KIAA0586: variants seen among roughly 807,000 people sequenced by gnomAD.
The protein encoded by KIAA0586 is protein TALPID3.
A neutral mutation model predicts 169.8 loss-of-function variants in KIAA0586; 144 were observed. The ratio of observed to expected loss-of-function variants is 0.85; its 90% CI spans 0.74 to 0.97. KIAA0586 has a LOEUF of 0.97. Ranked by LOEUF, KIAA0586 falls within the 50% of genes least tolerant of loss-of-function variation. The probability of loss-of-function intolerance (pLI) is 0.00; values close to 1 mark genes in which losing one functional copy is unlikely to be tolerated. For synonymous variants in KIAA0586, 625 were observed against 612.4 expected (o/e 1.02, Z -0.30); for missense variants, 1,854 against 1,823.0 (o/e 1.02, Z -0.31).
At chr14:58,534,318 T>C (rs1411234468) in intron 29 of KIAA0586, among the ~76,000 whole-genome samples, 1 of 152,216 alleles carries the variant, frequency 6.6e-6, no homozygotes, top group African/African-American at 2.4e-5. Context: ...TGGTATAATA[T>C]AGGTGTATTA....
At chr14:58,534,382 G>T (rs1190276663) in intron 29 of KIAA0586, among the ~76,000 whole-genome samples, 1 of 152,150 alleles carries the variant, frequency 6.6e-6, no homozygotes, top group Admixed American at 6.6e-5. Flanking sequence ...GTGTAGTTAT[G>T]ATATTATTGC....
At chr14:58,477,060 C>T in intron 19 of KIAA0586, 63 bp from the exon 20 acceptor site, 2 of 900,690 alleles carry the variant, frequency 2.2e-6, no homozygotes, top group Non-Finnish European at 3.5e-6. Context: ...GTATGTCTAA[C>T]ATTTTTTACA....
At chr14:58,465,718 C>T in intron 14 of KIAA0586, 117 bp from the exon 15 acceptor site, 1 of 614,962 alleles carries the variant, frequency 1.6e-6, no homozygotes, top group Non-Finnish European at 2.7e-6. Context: ...GTTTTGGGGC[C>T]TTGTAACCTT....
rs541742447 is a variant in KIAA0586, at chr14:58,551,181, T to G, written c.*3249T>G. The G allele has an allele frequency of 1.3e-4, 18 of 140,514 alleles. No individual in the cohort carries two copies. Among genetic ancestry groups the G allele is most frequent in the Admixed American group, 7.7e-4 (11 of 14,304 alleles). 8.7% of individuals were successfully genotyped at this position (140,514 alleles called of 1,614,324 possible). On this transcript the variant is annotated 3_prime_UTR_variant, in exon 31 of 31. Coordinates refer to ENST00000652326, the MANE Select transcript of KIAA0586 (RefSeq NM_001329943.3). ...TCCAGCCTGGGCAACAGAGTAAGAC[T>G]CTGTCTCAAAAATAAATAAATAAAT... is the stretch of plus-strand genomic sequence containing the variant.
At chr14:58,524,908 T>G (rs978793393) in intron 29 of KIAA0586, among the ~76,000 whole-genome samples, 1 of 152,220 alleles carries the variant, frequency 6.6e-6, no homozygotes, top group African/African-American at 2.4e-5. Flanking sequence ...GGTTTCACCA[T>G]GTTGGCCAGG....
chr14:58,515,966 T>G (rs1371758754), intron 29 of KIAA0586, among the ~76,000 whole-genome samples: 1 of 152,024 alleles, frequency 6.6e-6, no homozygotes, highest in Admixed American at 6.6e-5. Context: ...AGCAACTAAG[T>G]AGCCTAAAGT....
chr14:58,509,041 C>T (rs1462151337), intron 28 of KIAA0586, among the ~76,000 whole-genome samples: 1 of 152,044 alleles, frequency 6.6e-6, no homozygotes, highest in Non-Finnish European at 1.5e-5. Context: ...CCAGCCTGGG[C>T]AATGTGGCAA....
chr14:58,485,620 G>T (rs1467222732), intron 21 of KIAA0586, among the ~76,000 whole-genome samples: 1 of 152,136 alleles, frequency 6.6e-6, no homozygotes, highest in African/African-American at 2.4e-5. Context: ...AAGGGCTCTA[G>T]GTAGAAAGGA....
intron 14 of KIAA0586, among the ~76,000 whole-genome samples, chr14:58,462,026 G>A (rs896807874): frequency 2.0e-5 from 3 of 152,190 alleles, no homozygotes; most frequent in Admixed American, 1.3e-4. Context: ...GTGATAACTA[G>A]TAGATACAAA....
At chr14:58,486,901 C>A in intron 21 of KIAA0586, 106 bp from the exon 22 acceptor site, 1 of 839,920 alleles carries the variant, frequency 1.2e-6, no homozygotes, top group African/African-American at 1.8e-5. Flanking sequence ...CTTAACCCTG[C>A]CATCAATTTA....
chr14:58,437,498 C>T (rs2037926541), intron 4 of KIAA0586, among the ~76,000 whole-genome samples: 1 of 151,574 alleles, frequency 6.6e-6, no homozygotes, highest in African/African-American at 2.4e-5. Flanking sequence ...ATGGCTTGAA[C>T]CTAGGAGTTT....
intron 27 of KIAA0586, among the ~76,000 whole-genome samples, chr14:58,505,090 C>G (rs2043839967): frequency 6.6e-6 from 1 of 152,136 alleles, no homozygotes; most frequent in South Asian, 2.1e-4. Context: ...CCCAAGTAAC[C>G]CATGTTAAGA....
At chr14:58,476,719 G>A (rs1280259019) in intron 19 of KIAA0586, among the ~76,000 whole-genome samples, 1 of 134,644 alleles carries the variant, frequency 7.4e-6, no homozygotes, top group African/African-American at 2.8e-5. Flanking sequence ...CTAGGCTGTA[G>A]TGCAGTGGTG....
chr14:58,454,933 C>T (rs1047535335), intron 9 of KIAA0586, among the ~76,000 whole-genome samples: 1 of 152,138 alleles, frequency 6.6e-6, no homozygotes, highest in African/African-American at 2.4e-5. Context: ...GCCTTTTGGA[C>T]TCTGTGGTTT....
intron 7 of KIAA0586, 27 bp from the exon 8 acceptor site, chr14:58,450,552 A>T: frequency 7.1e-7 from 1 of 1,415,994 alleles, no homozygotes. Context: ...AAAGCAAGTT[A>T]AGTTTTTAAA....
intron 29 of KIAA0586, among the ~76,000 whole-genome samples, chr14:58,514,301 A>G (rs919882121): frequency 1.3e-5 from 2 of 152,036 alleles, no homozygotes; most frequent in Non-Finnish European, 2.9e-5. Context: ...TGGAGCTCTC[A>G]GGACTTTGGG....
At chr14:58,504,482 A>T (rs1466543354) in intron 27 of KIAA0586, among the ~76,000 whole-genome samples, 2 of 152,188 alleles carry the variant, frequency 1.3e-5, no homozygotes, top group Non-Finnish European at 2.9e-5. Context: ...TTTGACTTTC[A>T]TACAAATGAA....
At chr14:58,483,175 T>C (rs200559624) in intron 21 of KIAA0586, among the ~76,000 whole-genome samples, 1 of 139,120 alleles carries the variant, frequency 7.2e-6, no homozygotes, top group Non-Finnish European at 1.6e-5. Context: ...TATATATATA[T>C]GGATTTCTTA....
Position 58,547,968 on chromosome 14 carries a change from T to G in KIAA0586, c.*36T>G. On this transcript the variant is annotated 3_prime_UTR_variant, in exon 31 of 31. Transcript: ENST00000652326. ...ACAGCCAGCACAGTGTTTATGCCAC[T>G]GGTTTTAAAGTCATTTTACCTTGGC... 1 of 1,606,948 alleles carries G rather than the reference T, an allele frequency of 6.2e-7. No individual in the cohort carries two copies. Among genetic ancestry groups the G allele is most frequent in the South Asian group, 1.1e-5 (1 of 90,050 alleles).
Sources: gnomAD v4.1 joint callset for allele counts (sites outside exome capture counted in the v4.1 genomes callset) on GRCh38, gnomAD v4.1.1 for gene constraint, MANE v1.5 for transcripts, NCBI Gene and HGNC (gene_info 2026-07-23, HGNC 2026-07-21) for gene names.